The following MLLT3 variants were observed in gnomAD, a reference collection of about 807,000 sequenced individuals.
MLLT3 encodes MLLT3 super elongation complex subunit.
In MLLT3, 4 loss-of-function variants were observed where a neutral mutation model predicts 53.2. The ratio of observed to expected loss-of-function variants is 0.08; its 90% CI spans 0.04 to 0.17. The LOEUF (loss-of-function observed/expected upper bound fraction) is 0.17. MLLT3 is among the 10% of genes least tolerant of loss of function. The pLI is 1.00. For missense variants in MLLT3, 569 were observed against 684.0 expected (o/e 0.83, Z 1.87); for synonymous variants, 283 against 230.6 (o/e 1.23, Z -2.06).
chr9:20,438,007 C>T (rs551216963), intron 4 of MLLT3, among the ~76,000 whole-genome samples: 63 of 152,244 alleles, frequency 4.1e-4, no homozygotes, highest in African/African-American at 1.5e-3. Flanking sequence ...AAAGTTTTTG[C>T]TCCCTATGCT....
At chr9:20,606,932 T>C (rs1820585388) in intron 2 of MLLT3, among the ~76,000 whole-genome samples, 1 of 152,118 alleles carries the variant, frequency 6.6e-6, no homozygotes, top group Admixed American at 6.6e-5. Context: ...ATAATGTCTT[T>C]CTACAATAAC....
intron 5 of MLLT3, among the ~76,000 whole-genome samples, chr9:20,372,961 G>A (rs1002964340): frequency 2.0e-5 from 3 of 152,030 alleles, no homozygotes; most frequent in Admixed American, 2.0e-4. Context: ...AACTTCACAT[G>A]CCTAATTTTA....
rs751916588 is a variant in MLLT3, at chr9:20,448,092, G to C, written c.420+31C>G. 2 of 1,577,742 alleles carry C rather than the reference G, an allele frequency of 1.3e-6. No individual in the cohort carries two copies. Among genetic ancestry groups the C allele is most frequent in the Admixed American group, 1.9e-5 (1 of 52,746 alleles). On this transcript the variant is annotated intron_variant, in intron 4 of 10. Transcript: ENST00000380338. The surrounding 1 kb of genome is among the most constrained non-coding windows in gnomAD (Gnocchi z 4.0). ...TTTTTGTTGTTGTTGTTTTTTAATAGGAATGCTTTTCACAAGAGAGTGCCA... is the reference window on the plus strand; with the variant it reads ...TTTTTGTTGTTGTTGTTTTTTAATACGAATGCTTTTCACAAGAGAGTGCCA...
rs189313364 is a variant in MLLT3 at position 20,379,234 on chromosome 9, G to T, written c.1126-13490C>A. Among the ~76,000 whole-genome samples the T allele has an allele frequency of 9.9e-5, 15 of 152,156 alleles. No individual in the cohort carries two copies. The East Asian group carries it at 2.7e-3, about 27-fold the overall frequency. The stretch of plus-strand genomic sequence containing the variant: ...ATGAATGACACCTCTAGTTCTCACA[G>T]CCTGGACGTTGAAAAGCAAATACTC... On this transcript the variant is annotated intron_variant, in intron 5 of 10. Transcript: ENST00000380338.
At chr9:20,353,376 G>A (rs1391241677) in intron 10 of MLLT3, 149 bp downstream of exon 10, 2 of 690,830 alleles carry the variant, frequency 2.9e-6, no homozygotes, top group Non-Finnish European at 5.1e-6. Context: ...CCTCAGAAAT[G>A]AGAACCTTTC....
At chr9:20,428,396 T>G (rs1823187844) in intron 4 of MLLT3, among the ~76,000 whole-genome samples, 1 of 151,946 alleles carries the variant, frequency 6.6e-6, no homozygotes, top group Non-Finnish European at 1.5e-5. Context: ...ATGCTAAAAT[T>G]TAAAAACGTT....
chr9:20,429,165 CA>C (rs1823205121), intron 4 of MLLT3, among the ~76,000 whole-genome samples: 1 of 152,052 alleles, frequency 6.6e-6, no homozygotes, highest in Non-Finnish European at 1.5e-5. Flanking sequence ...GCCAGAAGTT[CA>C]AGACCAGCCT....
rs1820823921 is a variant in MLLT3 at position 20,344,809 on chromosome 9, G to A, written c.*1634C>T. Reference sequence around the variant, plus strand: ...AATGGGTCTGGAAAGACCATTTTCTGTACAGACACTAGTTAATCTCTGTAT... The same window carrying A: ...AATGGGTCTGGAAAGACCATTTTCTATACAGACACTAGTTAATCTCTGTAT... On this transcript the variant is annotated 3_prime_UTR_variant, in exon 11 of 11. Coordinates refer to ENST00000380338, the MANE Select transcript of MLLT3 (RefSeq NM_004529.4). 4.8e-6 allele frequency: 1 copy of A among 209,422 alleles called. No individual in the cohort carries two copies. Among genetic ancestry groups the A allele is most frequent in the Admixed American group, 5.9e-5 (1 of 16,902 alleles). The allele number at this position is 209,422 out of a possible 1,614,324, so 13.0% of individuals were successfully genotyped here. A position where few individuals can be genotyped will look rare whatever the true frequency, so the allele number is the denominator to read the frequency against.
chr9:20,360,211 C>T (rs1477605348), intron 8 of MLLT3, among the ~76,000 whole-genome samples: 1 of 152,098 alleles, frequency 6.6e-6, no homozygotes, highest in African/African-American at 2.4e-5. Context: ...AATAAACTAC[C>T]ATCAACTGAG....
At position 20,621,941 on chromosome 9, in the gene MLLT3, G is replaced by A. The variant is rs1038733779; in HGVS notation, c.12+304C>T. ...TGTGTGAGTGCGCGCGTGTGAGCGA[G>A]AGGGAGTGTGTGAGTGCGCTTCTTG... On this transcript the variant is annotated intron_variant, in intron 1 of 10. Coordinates refer to ENST00000380338, the MANE Select transcript of MLLT3 (RefSeq NM_004529.4). This position sits in a 1 kb window ranked among gnomAD's most constrained non-coding sequence, Gnocchi z 7.0. The A allele has an allele frequency of 5.0e-6, 7 of 1,389,804 alleles. No individual in the cohort carries two copies. The highest frequency in any genetic ancestry group is 6.5e-6 in the Non-Finnish European group (7 of 1,078,008). 86.1% of individuals were successfully genotyped at this position (1,389,804 alleles called of 1,614,324 possible).
intron 2 of MLLT3, among the ~76,000 whole-genome samples, chr9:20,612,091 T>C (rs1448342742): frequency 6.6e-6 from 1 of 152,204 alleles, no homozygotes; most frequent in Non-Finnish European, 1.5e-5. Context: ...AAAGCAGCTA[T>C]TGCTGAACAT....
At chr9:20,600,777 C>T (rs376186757) in intron 2 of MLLT3, among the ~76,000 whole-genome samples, 1 of 152,192 alleles carries the variant, frequency 6.6e-6, no homozygotes, top group Non-Finnish European at 1.5e-5. Flanking sequence ...CCCCAGTGAA[C>T]TATTTTCATC....
At chr9:20,349,091 C>T (rs1820946900) in intron 10 of MLLT3, among the ~76,000 whole-genome samples, 1 of 152,138 alleles carries the variant, frequency 6.6e-6, no homozygotes, top group South Asian at 2.1e-4. Flanking sequence ...GAATTTGACT[C>T]CTTTCCTCAG....
At position 20,417,810 on chromosome 9, in the gene MLLT3, C is replaced by T. The variant is rs111479905; in HGVS notation, c.421-3385G>A. Reference sequence around the variant, plus strand: ...CTCTTCTAATACTACTTGTCAGCAACTCAAGTGGAGGACTTAAGAAAAAAA... The same window carrying T: ...CTCTTCTAATACTACTTGTCAGCAATTCAAGTGGAGGACTTAAGAAAAAAA... On this transcript the variant is annotated intron_variant, in intron 4 of 10. Coordinates refer to ENST00000380338, the MANE Select transcript of MLLT3 (RefSeq NM_004529.4). Among the ~76,000 whole-genome samples the T allele has an allele frequency of 7.9e-5, 12 of 152,246 alleles. No individual in the cohort carries two copies. In the South Asian group the frequency reaches 1.7e-3, roughly 21 times the overall value.
At chr9:20,353,439 G>T (rs1821086162) in intron 10 of MLLT3, 86 bp downstream of exon 10, 1 of 1,101,570 alleles carries the variant, frequency 9.1e-7, no homozygotes, top group Non-Finnish European at 1.4e-6. Flanking sequence ...TGGGGCTGCA[G>T]TGGCCTCCAG....
intron 2 of MLLT3, among the ~76,000 whole-genome samples, chr9:20,542,158 G>A (rs943072688): frequency 6.6e-6 from 1 of 151,988 alleles, no homozygotes; most frequent in East Asian, 1.9e-4. Context: ...GTGTTGCCAG[G>A]CAAGAAAATA....
At chr9:20,432,651 A>G (rs1368905115) in intron 4 of MLLT3, among the ~76,000 whole-genome samples, 1 of 145,376 alleles carries the variant, frequency 6.9e-6, no homozygotes, top group Non-Finnish European at 1.5e-5. Context: ...TGGAAAAAAA[A>G]TCGCTTTTTT....
intron 4 of MLLT3, among the ~76,000 whole-genome samples, chr9:20,416,942 A>G (rs1563957802): frequency 1.3e-5 from 2 of 152,140 alleles, no homozygotes; most frequent in African/African-American, 2.4e-5. Flanking sequence ...CATGTAATAC[A>G]TGTAAAACAG....
intron 5 of MLLT3, among the ~76,000 whole-genome samples, chr9:20,370,994 C>A (rs1293072088): frequency 6.6e-6 from 1 of 152,110 alleles, no homozygotes; most frequent in Admixed American, 6.5e-5. Context: ...GATAAGGAAG[C>A]AAAACAGCCT....
Sources: allele counts gnomAD v4.1 joint callset (sites outside exome capture counted in the v4.1 genomes callset), GRCh38; gene constraint gnomAD v4.1.1; non-coding constraint Gnocchi (gnomAD v3.1); transcripts MANE v1.5; gene names NCBI Gene and HGNC (gene_info 2026-07-23, HGNC 2026-07-21).